The following GRB10 variants were observed in gnomAD, a reference collection of about 807,000 sequenced individuals.
GRB10 encodes growth factor receptor bound protein 10.
In GRB10, 20 loss-of-function variants were observed where a neutral mutation model predicts 80.9. The ratio of observed to expected loss-of-function variants is 0.25; its 90% CI spans 0.17 to 0.36. The LOEUF is 0.36. Ranked by LOEUF, GRB10 falls within the 10% of genes least tolerant of loss-of-function variation. GRB10 has a pLI of 1.00. For synonymous variants in GRB10, 291 were observed against 291.5 expected (o/e 1.00, Z 0.02); for missense variants, 548 against 747.7 (o/e 0.73, Z 3.12).
chr7:50,593,793 G>C (rs1228689280), intron 18 of GRB10, among the ~76,000 whole-genome samples: 1 of 152,152 alleles, frequency 6.6e-6, no homozygotes, highest in African/African-American at 2.4e-5. Flanking sequence ...TTAAGGCTTG[G>C]CTAATTAATG....
chr7:50,677,431 G>C (rs1202892663), intron 5 of GRB10, among the ~76,000 whole-genome samples: 1 of 152,148 alleles, frequency 6.6e-6, no homozygotes, highest in African/African-American at 2.4e-5. Flanking sequence ...TGTGGCCTCA[G>C]GGAGAGGAGA....
At chr7:50,629,080 T>C (rs1194763822) in intron 7 of GRB10, among the ~76,000 whole-genome samples, 2 of 152,218 alleles carry the variant, frequency 1.3e-5, no homozygotes, top group Non-Finnish European at 2.9e-5. Context: ...GCATGCCTTC[T>C]GCTACCCAAA....
chr7:50,735,029 G>A (rs1238760615), intron 3 of GRB10, among the ~76,000 whole-genome samples: 1 of 152,178 alleles, frequency 6.6e-6, no homozygotes, highest in Non-Finnish European at 1.5e-5. Context: ...AAGGTTCAGA[G>A]ATGACATATG....
At chr7:50,734,026 T>C (rs2070361871) in intron 3 of GRB10, among the ~76,000 whole-genome samples, 1 of 152,050 alleles carries the variant, frequency 6.6e-6, no homozygotes, top group African/African-American at 2.4e-5. Flanking sequence ...AAAATAAATC[T>C]TTATATATTG....
intron 17 of GRB10, among the ~76,000 whole-genome samples, chr7:50,600,151 C>T (rs2047353496): frequency 6.6e-6 from 1 of 152,078 alleles, no homozygotes; most frequent in African/African-American, 2.4e-5. Flanking sequence ...CATTCTGGGC[C>T]CACTGTTGAT....
Position 50,590,654 on chromosome 7 carries a change from A to C in GRB10, c.*2298T>G, listed in dbSNP as rs2045737899. The C allele has an allele frequency of 6.6e-6, 1 of 152,658 alleles. No individual in the cohort carries two copies. Among genetic ancestry groups the C allele is most frequent in the African/African-American group, 2.4e-5 (1 of 41,456 alleles). 9.5% of individuals were successfully genotyped at this position (152,658 alleles called of 1,614,324 possible). A position where few individuals can be genotyped will look rare whatever the true frequency, so the allele number is the denominator to read the frequency against. ...TTCATGTCAATTAAATACAAAAATAAAAGTCAAATGTCCTTCCGTCCCCGG... is the reference window on the plus strand; with the variant it reads ...TTCATGTCAATTAAATACAAAAATACAAGTCAAATGTCCTTCCGTCCCCGG... On this transcript the variant is annotated 3_prime_UTR_variant, in exon 19 of 19. Coordinates refer to ENST00000401949, the MANE Select transcript of GRB10 (RefSeq NM_001350814.2).
chr7:50,730,176 C>A (rs2069420640), intron 4 of GRB10, among the ~76,000 whole-genome samples: 1 of 152,140 alleles, frequency 6.6e-6, no homozygotes, highest in Admixed American at 6.5e-5. Flanking sequence ...AGTGGGTCAT[C>A]CCCAACCTTG....
chr7:50,722,871 T>C lies in GRB10; in HGVS notation c.51+9401A>G, dbSNP rs1180483704. Reference sequence around the variant, plus strand: ...CCATTTCACCCACCTTAGGTAAAGATAGCGCTCTCAGGATTAAGTTGTTTC... The same window carrying C: ...CCATTTCACCCACCTTAGGTAAAGACAGCGCTCTCAGGATTAAGTTGTTTC... On this transcript the variant is annotated intron_variant, in intron 4 of 18. Transcript: ENST00000401949. Among the ~76,000 whole-genome samples the C allele has an allele frequency of 1.3e-5, 2 of 152,088 alleles. 1 individual carries two copies. The highest frequency in any genetic ancestry group is 4.8e-5 in the African/African-American group (2 of 41,408).
At chr7:50,605,475 TATC>T (rs1426809327) in intron 14 of GRB10, 69 bp from the exon 15 acceptor site, 1 of 1,244,512 alleles carries the variant, frequency 8.0e-7, no homozygotes. Context: ...GGCATGAAAC[TATC>T]ATCAAGACGG....
intron 7 of GRB10, among the ~76,000 whole-genome samples, chr7:50,642,604 G>A (rs1344235622): frequency 2.0e-5 from 3 of 152,080 alleles, no homozygotes; most frequent in South Asian, 2.1e-4. Flanking sequence ...GATACTCAAC[G>A]GAAACGCTCA....
At chr7:50,627,738 G>C (rs1585927674) in intron 7 of GRB10, among the ~76,000 whole-genome samples, 2 of 152,226 alleles carry the variant, frequency 1.3e-5, no homozygotes, top group African/African-American at 2.4e-5. Flanking sequence ...CCCAGAACAC[G>C]AGGTGTGTTT....
At chr7:50,718,506 G>A (rs1037804702) in intron 4 of GRB10, among the ~76,000 whole-genome samples, 1 of 152,046 alleles carries the variant, frequency 6.6e-6, no homozygotes, top group African/African-American at 2.4e-5. Context: ...GCTGCTTCCT[G>A]AGCACACTGA....
chr7:50,641,387 T>A (rs1275078131), intron 7 of GRB10, among the ~76,000 whole-genome samples: 3 of 152,132 alleles, frequency 2.0e-5, no homozygotes, highest in Non-Finnish European at 2.9e-5. Flanking sequence ...GATGTCCCTA[T>A]CTGAATGGCT....
intron 7 of GRB10, among the ~76,000 whole-genome samples, chr7:50,629,535 G>C (rs535711203): frequency 1.3e-5 from 2 of 152,240 alleles, no homozygotes; most frequent in African/African-American, 4.8e-5. Context: ...AGCACTCTCT[G>C]GTACTTCCAA....
chr7:50,736,219 G>A (rs1246611839), intron 3 of GRB10, among the ~76,000 whole-genome samples: 1 of 152,182 alleles, frequency 6.6e-6, no homozygotes. Flanking sequence ...CTGGGAGGTG[G>A]AGGTTGCAGT....
chr7:50,627,105 AG>A, intron 7 of GRB10, 127 bp from the exon 8 acceptor site: 1 of 985,104 alleles, frequency 1.0e-6, no homozygotes, highest in Admixed American at 1.8e-5. Flanking sequence ...CTGTTTTTCC[AG>A]GCAGCCAACA....
At chr7:50,645,753 C>G (rs964713933) in intron 7 of GRB10, 2 of 370,482 alleles carry the variant, frequency 5.4e-6, no homozygotes, top group African/African-American at 4.4e-5. Context: ...ACTACAGAAA[C>G]AGCCAATCAA....
chr7:50,731,864 T>C (rs1002297724), intron 4 of GRB10, among the ~76,000 whole-genome samples: 1 of 152,100 alleles, frequency 6.6e-6, no homozygotes, highest in African/African-American at 2.4e-5. Context: ...CGTGAGCACA[T>C]GTGTCCAGGT....
rs1019054223 is a variant in GRB10, at chr7:50,592,473, C to T, written c.*479G>A. ...GTTTGAAATCTGCCCATTCAAAACT[C>T]TTTCTGTATTATATGAGTTGAAACG... On this transcript the variant is annotated 3_prime_UTR_variant, in exon 19 of 19. Coordinates refer to ENST00000401949, the MANE Select transcript of GRB10 (RefSeq NM_001350814.2). 2.1e-5 allele frequency: 4 copies of T among 186,900 alleles called. No homozygotes were observed. The highest frequency in any genetic ancestry group is 2.4e-5 in the African/African-American group (1 of 42,392). The allele number at this position is 186,900 out of a possible 1,614,324, so 11.6% of individuals were successfully genotyped here.
Sources: gnomAD v4.1 joint callset for allele counts (sites outside exome capture counted in the v4.1 genomes callset) on GRCh38, gnomAD v4.1.1 for gene constraint, MANE v1.5 for transcripts, NCBI Gene and HGNC (gene_info 2026-07-23, HGNC 2026-07-21) for gene names.